SLC71A2: variants seen among roughly 807,000 people sequenced by gnomAD.
SLC71A2 encodes hippocampus abundant transcript-like 1.
chr9:94,459,399 G>A, the SLC71A2 span: 8 of 1,613,702 alleles, frequency 5.0e-6, no homozygotes, highest in Admixed American at 1.7e-5. Flanking sequence ...GGGAATCAGT[G>A]CACTGAGCTG....
At chr9:94,397,482 G>T in the SLC71A2 span, among the ~76,000 whole-genome samples, 1 of 73,362 alleles carries the variant, frequency 1.4e-5, no homozygotes, top group Admixed American at 1.6e-4. Context: ...TTGGGAGAGT[G>T]TTTGGAAAAA....
At chr9:94,384,336 C>CTTTTTTTT in the SLC71A2 span, among the ~76,000 whole-genome samples, 1 of 133,296 alleles carries the variant, frequency 7.5e-6, no homozygotes. Context: ...TCAAATTTTC[C>CTTTTTTTT]TTTTTTTTTT....
At chr9:94,456,178 T>C in the SLC71A2 span, 58 of 1,151,942 alleles carry the variant, frequency 5.0e-5, 3 homozygotes, top group Non-Finnish European at 5.9e-5. Flanking sequence ...CTGATTGCAT[T>C]CCGAATAGTG....
the SLC71A2 span, among the ~76,000 whole-genome samples, chr9:94,411,662 C>T: frequency 6.6e-6 from 1 of 151,412 alleles, no homozygotes; most frequent in South Asian, 2.1e-4. Context: ...GTGATCTTGG[C>T]TCACTGCAAC....
At chr9:94,455,720 T>C in the SLC71A2 span, among the ~76,000 whole-genome samples, 2 of 152,160 alleles carry the variant, frequency 1.3e-5, no homozygotes, top group Non-Finnish European at 2.9e-5. Flanking sequence ...TACTGATACA[T>C]AGTTAAGACT....
the SLC71A2 span, among the ~76,000 whole-genome samples, chr9:94,380,142 C>T: frequency 6.6e-6 from 1 of 152,150 alleles, no homozygotes; most frequent in African/African-American, 2.4e-5. Flanking sequence ...TGGTGGGCGC[C>T]TGTAGTCCCA....
At chr9:94,451,682 TATA>T in the SLC71A2 span, among the ~76,000 whole-genome samples, 1 of 152,234 alleles carries the variant, frequency 6.6e-6, no homozygotes, top group East Asian at 1.9e-4. Context: ...CAAGCTATAG[TATA>T]ATATCAGATC....
chr9:94,377,699 T>A, the SLC71A2 span, among the ~76,000 whole-genome samples: 9 of 151,924 alleles, frequency 5.9e-5, no homozygotes, highest in Non-Finnish European at 8.8e-5. Flanking sequence ...TTTTTCTACC[T>A]TATTTGGCAA....
chr9:94,377,431 C>T, the SLC71A2 span, among the ~76,000 whole-genome samples: 1 of 148,762 alleles, frequency 6.7e-6, no homozygotes, highest in Non-Finnish European at 1.5e-5. Context: ...GCTGCAATGG[C>T]CAGTCATGGC....
the SLC71A2 span, among the ~76,000 whole-genome samples, chr9:94,434,366 G>A: frequency 1.3e-5 from 2 of 151,904 alleles, no homozygotes; most frequent in African/African-American, 2.4e-5. Context: ...CCTAGGCTGG[G>A]GTGCAGTGGT....
the SLC71A2 span, among the ~76,000 whole-genome samples, chr9:94,418,424 C>T: frequency 1.7e-3 from 259 of 152,104 alleles, 1 homozygote; most frequent in Non-Finnish European, 2.8e-3. Context: ...TTGAAATTTC[C>T]TATTCACTGA....
the SLC71A2 span, among the ~76,000 whole-genome samples, chr9:94,443,775 T>C: frequency 6.6e-6 from 1 of 152,198 alleles, no homozygotes; most frequent in Non-Finnish European, 1.5e-5. Flanking sequence ...AATGTTCCCA[T>C]AACTGTTTGC....
At chr9:94,456,962 T>G in the SLC71A2 span, among the ~76,000 whole-genome samples, 1 of 50,272 alleles carries the variant, frequency 2.0e-5, no homozygotes, top group African/African-American at 7.8e-5. Context: ...CCACCCTTCC[T>G]CCCCCCACCC....
chr9:94,427,821 G>A, the SLC71A2 span, among the ~76,000 whole-genome samples: 1 of 145,748 alleles, frequency 6.9e-6, no homozygotes, highest in Non-Finnish European at 1.5e-5. Context: ...AGAGACAATG[G>A]GTTAATAATG....
the SLC71A2 span, among the ~76,000 whole-genome samples, chr9:94,388,844 A>G: frequency 1.3e-5 from 2 of 152,230 alleles, no homozygotes; most frequent in Non-Finnish European, 2.9e-5. Context: ...AAATAAAAAG[A>G]CCAGTGGAAA....
At chr9:94,375,168 A>G in the SLC71A2 span, among the ~76,000 whole-genome samples, 2 of 152,034 alleles carry the variant, frequency 1.3e-5, no homozygotes, top group African/African-American at 4.8e-5. Context: ...GACAGTGAAT[A>G]TAAGTAGTAA....
At chr9:94,445,386 CGA>C in the SLC71A2 span, among the ~76,000 whole-genome samples, 10 of 151,896 alleles carry the variant, frequency 6.6e-5, no homozygotes, top group Admixed American at 2.0e-4. Context: ...ATGTCATAAA[CGA>C]AGAGAGAGAA....
chr9:94,419,069 T>G, the SLC71A2 span, among the ~76,000 whole-genome samples: 1 of 152,108 alleles, frequency 6.6e-6, no homozygotes, highest in African/African-American at 2.4e-5. Flanking sequence ...ATTGCAATCA[T>G]TTTTTGTTAA....
the SLC71A2 span, among the ~76,000 whole-genome samples, chr9:94,433,518 C>T: frequency 2.0e-5 from 3 of 151,162 alleles, no homozygotes; most frequent in South Asian, 6.3e-4. Context: ...ACTAAAAATG[C>T]AAAATTAGCT....
Sources: gnomAD v4.1 joint callset for allele counts (sites outside exome capture counted in the v4.1 genomes callset) on GRCh38, gnomAD v4.1.1 for gene constraint, MANE v1.5 for transcripts, NCBI Gene and HGNC (gene_info 2026-07-23, HGNC 2026-07-21) for gene names.